ENPP1: variants seen among roughly 807,000 people sequenced by gnomAD.
The protein encoded by ENPP1 is ectonucleotide pyrophosphatase/phosphodiesterase 1.
ENPP1 carries 73 observed loss-of-function variants against 122.8 expected under a neutral mutation model. The observed-to-expected ratio is 0.59, with a 90% CI of 0.49 to 0.72. The LOEUF (loss-of-function observed/expected upper bound fraction) is 0.72. Ranked by LOEUF, ENPP1 falls within the 30% of genes least tolerant of loss-of-function variation. The pLI is 0.00. For missense variants in ENPP1, 978 were observed against 1,128.1 expected (o/e 0.87, Z 1.91); for synonymous variants, 367 against 391.6 (o/e 0.94, Z 0.74).
At position 131,872,921 on chromosome 6, in the gene ENPP1, A is replaced by G; in HGVS notation, c.1438-2A>G. 1 of 1,613,654 alleles carries G rather than the reference A, an allele frequency of 6.2e-7. No individual in the cohort carries two copies. Among genetic ancestry groups the G allele is most frequent in the Non-Finnish European group, 8.5e-7 (1 of 1,179,672 alleles). On this transcript the variant is annotated splice_acceptor_variant, in intron 14 of 24. Coordinates refer to ENST00000647893, the MANE Select transcript of ENPP1 (RefSeq NM_006208.3). LOFTEE classifies it high-confidence loss of function. ...GTTTTTCTTTGCTGTTTGCAATTTC[A>G]GTGCCGGGAACCAAACCAGCACTTC...
intron 1 of ENPP1, chr6:131,825,839 T>C: frequency 4.6e-6 from 1 of 215,800 alleles, no homozygotes. Flanking sequence ...TTTCTAATTA[T>C]AAGCTCATAT....
intron 20 of ENPP1, among the ~76,000 whole-genome samples, 164 bp from the exon 21 acceptor site, chr6:131,882,181 T>C (rs573295596): frequency 6.6e-6 from 1 of 152,116 alleles, no homozygotes; most frequent in African/African-American, 2.4e-5. Context: ...TTTTACACTT[T>C]AGTTAGAAAA....
chr6:131,882,620 A>G (rs896044053), intron 21 of ENPP1, 146 bp downstream of exon 21: 1 of 178,510 alleles, frequency 5.6e-6, no homozygotes, highest in Non-Finnish European at 1.1e-5. Context: ...TATTATATAT[A>G]TAATATATAT....
intron 20 of ENPP1, 105 bp downstream of exon 20, chr6:131,880,139 C>T (rs944818349): frequency 1.7e-6 from 2 of 1,166,150 alleles, no homozygotes; most frequent in Non-Finnish European, 2.6e-6. Flanking sequence ...ATACTCAGTT[C>T]CCGCATTAGA....
intron 1 of ENPP1, among the ~76,000 whole-genome samples, chr6:131,823,168 T>A (rs949977571): frequency 6.6e-6 from 1 of 152,186 alleles, no homozygotes; most frequent in Non-Finnish European, 1.5e-5. Flanking sequence ...GTAAGTGCTA[T>A]GTGTGTTTGT....
chr6:131,837,398 T>C (rs1048611798), intron 1 of ENPP1, among the ~76,000 whole-genome samples: 2 of 151,482 alleles, frequency 1.3e-5, no homozygotes, highest in Non-Finnish European at 2.9e-5. Context: ...TGGTGGCGCA[T>C]GCCTGTAGTC....
At chr6:131,876,755 T>C (rs1434833973) in intron 17 of ENPP1, among the ~76,000 whole-genome samples, 1 of 152,240 alleles carries the variant, frequency 6.6e-6, no homozygotes, top group South Asian at 2.1e-4. Context: ...ACTGTAGTTA[T>C]TGTATGCTTT....
At chr6:131,865,863 G>A (rs1051492034) in intron 11 of ENPP1, among the ~76,000 whole-genome samples, 1 of 152,086 alleles carries the variant, frequency 6.6e-6, no homozygotes, top group African/African-American at 2.4e-5. Context: ...GGGCCTGGTG[G>A]TGTGTGCCTA....
At chr6:131,889,313 C>T (rs557179077) in intron 24 of ENPP1, among the ~76,000 whole-genome samples, 17,661 of 151,968 alleles carry the variant, frequency 0.12, 1,935 homozygotes, top group African/African-American at 0.29. Flanking sequence ...GTTTGCTGCA[C>T]AGATCATCCC....
At chr6:131,856,562 C>T (rs1157342686) in intron 6 of ENPP1, among the ~76,000 whole-genome samples, 2 of 143,304 alleles carry the variant, frequency 1.4e-5, no homozygotes, top group Non-Finnish European at 3.0e-5. Flanking sequence ...GAAGTCCTTG[C>T]CCATGCCTGT....
rs142689136 is a variant in ENPP1 at position 131,814,105 on chromosome 6, CA to C, written c.240+5832del. On this transcript the variant is annotated intron_variant, in intron 1 of 24. Coordinates refer to ENST00000647893, the MANE Select transcript of ENPP1 (RefSeq NM_006208.3). ...TCTGGAAGACTGAGTGTGGTTTGCA[CA>C]ATGGAAATGCCGATCCATCCAATCT... Among the ~76,000 whole-genome samples, 186 of 152,280 alleles carry C rather than the reference CA, an allele frequency of 1.2e-3. 6 individuals carry two copies. In the East Asian group the frequency reaches 0.032, roughly 26 times the overall value.
At position 131,892,072 on chromosome 6, in the gene ENPP1, A is replaced by G. The variant is rs1782478766; in HGVS notation, c.*1561A>G. 6.6e-6 allele frequency: 1 copy of G among 152,092 alleles called. No individual in the cohort carries two copies. The allele number at this position is 152,092 out of a possible 1,614,324, so 9.4% of individuals were successfully genotyped here. On this transcript the variant is annotated 3_prime_UTR_variant, in exon 25 of 25. Coordinates refer to ENST00000647893, the MANE Select transcript of ENPP1 (RefSeq NM_006208.3). ...TGCATTTATACTTGCTTGTTGAAGA[A>G]TTTTTATGATGGCTGCTGTAAAATC... is the stretch of plus-strand genomic sequence containing the variant.
intron 20 of ENPP1, among the ~76,000 whole-genome samples, chr6:131,880,456 C>G (rs1418226507): frequency 6.6e-6 from 1 of 151,554 alleles, no homozygotes; most frequent in East Asian, 1.9e-4. Context: ...CCCAGCTACT[C>G]AGGAGGCTGA....
Position 131,824,100 on chromosome 6 carries a change from C to T in ENPP1, c.240+15825C>T, listed in dbSNP as rs75550069. On this transcript the variant is annotated intron_variant, in intron 1 of 24. Coordinates refer to ENST00000647893, the MANE Select transcript of ENPP1 (RefSeq NM_006208.3). ...AATGGTCAAAGGGAAAGTTTACTTACTGTCTGTTTTTTAGGTTTTATCTGA... is the reference window on the plus strand; with the variant it reads ...AATGGTCAAAGGGAAAGTTTACTTATTGTCTGTTTTTTAGGTTTTATCTGA... 4.6e-5 allele frequency among the ~76,000 whole-genome samples: 7 copies of T among 152,006 alleles called. No individual in the cohort carries two copies. In the East Asian group the frequency reaches 1.4e-3, roughly 29 times the overall value.
At chr6:131,816,417 A>G (rs1411464823) in intron 1 of ENPP1, among the ~76,000 whole-genome samples, 1 of 152,212 alleles carries the variant, frequency 6.6e-6, no homozygotes, top group East Asian at 1.9e-4. Context: ...AAATGAGCTC[A>G]GGGCCGAACA....
intron 14 of ENPP1, 147 bp from the exon 15 acceptor site, chr6:131,872,776 A>G: frequency 1.3e-6 from 1 of 785,776 alleles, no homozygotes; most frequent in Non-Finnish European, 2.0e-6. Flanking sequence ...TTTCATATGA[A>G]GTTAGAAAGC....
chr6:131,852,191 AG>A lies in ENPP1; in HGVS notation c.574del (p.Glu192LysfsTer47), dbSNP rs1234826768. On this transcript the variant is annotated frameshift_variant, in exon 5 of 25. Transcript: ENST00000647893. LOFTEE classifies it high-confidence loss of function. ...SVCQGEKSWV[E>X]EPCESINEPQ... Reference sequence around the variant, plus strand: ...ATATTTTAGGTGAGAAAAGTTGGGTAGAAGAACCATGTGAGAGCATTAATGA... The same window carrying A: ...ATATTTTAGGTGAGAAAAGTTGGGTAAAGAACCATGTGAGAGCATTAATGA... 2 of 1,605,138 alleles carry A rather than the reference AG, an allele frequency of 1.2e-6. No homozygotes were observed. The highest frequency in any genetic ancestry group is 1.7e-6 in the Non-Finnish European group (2 of 1,174,364).
intron 24 of ENPP1, among the ~76,000 whole-genome samples, chr6:131,888,858 C>T (rs1343383453): frequency 6.6e-6 from 1 of 152,164 alleles, no homozygotes; most frequent in Non-Finnish European, 1.5e-5. Flanking sequence ...CAGCAAATAA[C>T]AGAAACCCCT....
At chr6:131,879,461 ATTGTT>A (rs1782274319) in intron 19 of ENPP1, among the ~76,000 whole-genome samples, 1 of 152,094 alleles carries the variant, frequency 6.6e-6, no homozygotes, top group Non-Finnish European at 1.5e-5. Flanking sequence ...CTATATTGTT[ATTGTT>A]TTATTTAGTT....
Sources: gnomAD v4.1 joint callset for allele counts (sites outside exome capture counted in the v4.1 genomes callset) on GRCh38, gnomAD v4.1.1 for gene constraint, MANE v1.5 for transcripts, NCBI Gene and HGNC (gene_info 2026-07-23, HGNC 2026-07-21) for gene names.